Variants in DLC1 observed in about 807,000 individuals in gnomAD.
The protein encoded by DLC1 is rho GTPase-activating protein 7.
Under a neutral mutation model 140.3 loss-of-function variants are expected in DLC1, and 54 were observed. That is an observed-to-expected ratio of 0.38 (90% CI 0.31 to 0.48). DLC1 has a LOEUF of 0.48. Ranked by LOEUF, DLC1 falls within the 20% of genes least tolerant of loss-of-function variation. The pLI is 0.96. For missense variants in DLC1, 2,536 were observed against 1,907.0 expected, an observed-to-expected ratio of 1.33 and a Z score of -6.14; for synonymous variants, 986 against 728.1, an observed-to-expected ratio of 1.35 and a Z score of -5.70.
chr8:13,461,119 A>T (rs544141226), intron 2 of DLC1, among the ~76,000 whole-genome samples: 170 of 152,318 alleles, frequency 1.1e-3, no homozygotes, highest in Non-Finnish European at 1.9e-3. Context: ...CTGAGGCAAA[A>T]GGTTTGCTTG....
At chr8:13,438,775 CA>C (rs1453505381) in intron 2 of DLC1, among the ~76,000 whole-genome samples, 10 of 152,162 alleles carry the variant, frequency 6.6e-5, no homozygotes, top group African/African-American at 2.4e-4. Flanking sequence ...CTTCGCTGTC[CA>C]AAACAGCCGC....
chr8:13,258,628 G>A (rs992927793), intron 5 of DLC1, among the ~76,000 whole-genome samples: 12 of 152,038 alleles, frequency 7.9e-5, no homozygotes, highest in East Asian at 3.9e-4. Flanking sequence ...TTGTAATTGC[G>A]GAAGATGAAA....
chr8:13,401,721 AG>A, intron 2 of DLC1, 102 bp from the exon 3 acceptor site: 1 of 1,424,378 alleles, frequency 7.0e-7, no homozygotes, highest in East Asian at 2.3e-5. Flanking sequence ...ACTGGATAAT[AG>A]GCAGTCTTTA....
chr8:13,430,053 C>T (rs1034288885), intron 2 of DLC1, among the ~76,000 whole-genome samples: 3 of 152,130 alleles, frequency 2.0e-5, no homozygotes, highest in African/African-American at 7.2e-5. Flanking sequence ...CTAGGCCACA[C>T]CCTGGAACAA....
chr8:13,417,060 T>C (rs1472934735), intron 2 of DLC1, among the ~76,000 whole-genome samples: 1 of 152,050 alleles, frequency 6.6e-6, no homozygotes, highest in Non-Finnish European at 1.5e-5. Flanking sequence ...GACTGATCAG[T>C]AAACAACAGA....
At chr8:13,225,810 T>C (rs559243184) in intron 5 of DLC1, among the ~76,000 whole-genome samples, 191 of 152,070 alleles carry the variant, frequency 1.3e-3, no homozygotes, top group African/African-American at 4.2e-3. Flanking sequence ...AGAGATGGGG[T>C]TTCACCGTGT....
chr8:13,115,723 T>A, intron 5 of DLC1, 66 bp from the exon 6 acceptor site: 3 of 1,509,296 alleles, frequency 2.0e-6, no homozygotes, highest in Non-Finnish European at 2.8e-6. Flanking sequence ...TTTTCCTGAA[T>A]AAGCTTTCGT....
intron 2 of DLC1, among the ~76,000 whole-genome samples, chr8:13,485,888 A>G (rs1800948813): frequency 6.6e-6 from 1 of 152,220 alleles, no homozygotes; most frequent in Admixed American, 6.5e-5. Flanking sequence ...AAGCATAAAA[A>G]TTTAGTGCTT....
At chr8:13,489,994 G>T (rs191451855) in intron 2 of DLC1, among the ~76,000 whole-genome samples, 1 of 152,134 alleles carries the variant, frequency 6.6e-6, no homozygotes, top group East Asian at 1.9e-4. Flanking sequence ...ATCTTGTAAG[G>T]CCGAGACTGT....
chr8:13,129,345 G>T (rs1360693985), intron 5 of DLC1, among the ~76,000 whole-genome samples: 1 of 152,154 alleles, frequency 6.6e-6, no homozygotes, highest in Non-Finnish European at 1.5e-5. Context: ...TCATAGCCAT[G>T]GAAAAGAGGA....
chr8:13,387,541 A>G (rs1318273496), intron 4 of DLC1, among the ~76,000 whole-genome samples: 3 of 151,916 alleles, frequency 2.0e-5, no homozygotes, highest in Non-Finnish European at 4.4e-5. Flanking sequence ...AAGCACAGTG[A>G]CTTTAGTTTA....
At position 13,385,358 on chromosome 8, in the gene DLC1, A is replaced by C. The variant is rs564064148; in HGVS notation, c.1314+8195T>G. ...ACATCAATGGATTTTCCTTTGAAGGAATCTACTGATTCAGGAGGTCATCTG... is the reference window on the plus strand; with the variant it reads ...ACATCAATGGATTTTCCTTTGAAGGCATCTACTGATTCAGGAGGTCATCTG... On this transcript the variant is annotated intron_variant, in intron 4 of 17. Coordinates refer to ENST00000276297, the MANE Select transcript of DLC1 (RefSeq NM_182643.3). Among the ~76,000 whole-genome samples, 32 of 152,344 alleles carry C rather than the reference A, an allele frequency of 2.1e-4. No individual in the cohort carries two copies. In the South Asian group the frequency reaches 3.1e-3, roughly 15 times the overall value.
intron 4 of DLC1, among the ~76,000 whole-genome samples, chr8:13,306,786 A>G (rs1832455218): frequency 6.6e-6 from 1 of 152,038 alleles, no homozygotes; most frequent in African/African-American, 2.4e-5. Flanking sequence ...AGATTTCCTT[A>G]TGGATAAAAA....
chr8:13,274,288 G>A (rs999085712), intron 5 of DLC1, among the ~76,000 whole-genome samples: 30 of 152,118 alleles, frequency 2.0e-4, no homozygotes, highest in African/African-American at 6.8e-4. Context: ...CAAGAGTGAG[G>A]AGGACACCAA....
chr8:13,295,942 GTTT>G (rs71207138), intron 5 of DLC1, among the ~76,000 whole-genome samples: 2 of 72,898 alleles, frequency 2.7e-5, no homozygotes, highest in African/African-American at 1.1e-4. Flanking sequence ...AAGATTCTTT[GTTT>G]TTTTTTTTTT....
At chr8:13,583,980 G>C (rs1805212578) in intron 1 of DLC1, 1 of 152,364 alleles carries the variant, frequency 6.6e-6, no homozygotes, top group Non-Finnish European at 1.5e-5. Flanking sequence ...GTTCATCTAG[G>C]AGCTGGCTGA....
intron 5 of DLC1, among the ~76,000 whole-genome samples, chr8:13,132,595 C>G (rs1302677139): frequency 6.6e-6 from 1 of 152,068 alleles, no homozygotes; most frequent in African/African-American, 2.4e-5. Flanking sequence ...TGTCGCCGCG[C>G]CCCTCGAGCC....
At chr8:13,384,237 C>G (rs186750536) in intron 4 of DLC1, among the ~76,000 whole-genome samples, 2 of 152,114 alleles carry the variant, frequency 1.3e-5, no homozygotes, top group African/African-American at 2.4e-5. Flanking sequence ...GGCCTCTGCC[C>G]CCCATCACAA....
At chr8:13,508,153 C>T (rs917180204) in intron 1 of DLC1, among the ~76,000 whole-genome samples, 2 of 152,166 alleles carry the variant, frequency 1.3e-5, no homozygotes, top group Non-Finnish European at 2.9e-5. Context: ...AATGTCGCTT[C>T]CAGTAGTGTC....
Sources: gnomAD v4.1 joint callset for allele counts (sites outside exome capture counted in the v4.1 genomes callset) on GRCh38, gnomAD v4.1.1 for gene constraint, MANE v1.5 for transcripts, NCBI Gene and HGNC (gene_info 2026-07-23, HGNC 2026-07-21) for gene names.